The following NKIRAS1 variants were observed in gnomAD, a reference collection of about 807,000 sequenced individuals.
The protein encoded by NKIRAS1 is NF-kappa-B inhibitor-interacting Ras-like protein 1.
A neutral mutation model predicts 19.8 loss-of-function variants in NKIRAS1; 16 were observed. That is an observed-to-expected ratio of 0.81 (90% CI 0.55 to 1.23). The LOEUF (loss-of-function observed/expected upper bound fraction) is 1.23, where lower values mean the gene tolerates loss of function less well. Among genes scored for constraint, NKIRAS1 ranks in the 50% most tolerant of loss-of-function variants. NKIRAS1 has a pLI of 0.00. For missense variants in NKIRAS1, 184 were observed against 220.0 expected (o/e 0.84, Z 1.04); for synonymous variants, 88 against 79.0 (o/e 1.11, Z -0.61).
At chr3:23,943,199 T>G (rs2125272762) in intron 1 of NKIRAS1, among the ~76,000 whole-genome samples, 1 of 152,350 alleles carries the variant, frequency 6.6e-6, no homozygotes, top group Middle Eastern at 3.4e-3. Context: ...TAGCCTTTAG[T>G]AACCACTGAT....
At chr3:23,935,875 T>C (rs1705382980) in intron 1 of NKIRAS1, among the ~76,000 whole-genome samples, 1 of 150,964 alleles carries the variant, frequency 6.6e-6, no homozygotes. Context: ...AGCTCAGGAG[T>C]TCAAGACCAG....
At chr3:23,898,677 C>A (rs189721422) in intron 4 of NKIRAS1, among the ~76,000 whole-genome samples, 1 of 152,234 alleles carries the variant, frequency 6.6e-6, no homozygotes, top group Non-Finnish European at 1.5e-5. Flanking sequence ...AACTCCTGAC[C>A]TCGTGATCTG....
At position 23,916,839 on chromosome 3, in the gene NKIRAS1, G is replaced by A. The variant is rs930425838; in HGVS notation, c.-195C>T. 1.3e-5 allele frequency: 2 copies of A among 152,830 alleles called. No individual in the cohort carries two copies. Among genetic ancestry groups the A allele is most frequent in the Admixed American group, 6.5e-5 (1 of 15,296 alleles). The allele number at this position is 152,830 out of a possible 1,614,324, so 9.5% of individuals were successfully genotyped here. A position where few individuals can be genotyped will look rare whatever the true frequency, so the allele number is the denominator to read the frequency against. On this transcript the variant is annotated 5_prime_UTR_variant, in exon 1 of 5. Transcript: ENST00000425478. ...GCTCCACCGCGGTACGCGGCCACCGGCTTTGGAGCCTGGACCCCAACTTGC... is the reference window on the plus strand; with the variant it reads ...GCTCCACCGCGGTACGCGGCCACCGACTTTGGAGCCTGGACCCCAACTTGC...
At chr3:23,946,289 G>A (rs1705705081) in intron 1 of NKIRAS1, 1 of 985,394 alleles carries the variant, frequency 1.0e-6, no homozygotes, top group Non-Finnish European at 1.2e-6. Context: ...CAAACCAAAC[G>A]AACCGGCGCC....
chr3:23,931,660 A>G (rs149190829), intron 1 of NKIRAS1, among the ~76,000 whole-genome samples: 203 of 152,184 alleles, frequency 1.3e-3, no homozygotes, highest in African/African-American at 4.7e-3. Context: ...TTTGTCCACC[A>G]ATACGCCCAA....
chr3:23,905,666 T>C (rs1175148972), intron 3 of NKIRAS1, among the ~76,000 whole-genome samples: 3 of 151,872 alleles, frequency 2.0e-5, no homozygotes, highest in Non-Finnish European at 2.9e-5. Context: ...TTAGTAAATA[T>C]CTCAATTCGG....
intron 1 of NKIRAS1, among the ~76,000 whole-genome samples, chr3:23,941,785 A>G (rs1243439841): frequency 6.6e-6 from 1 of 152,168 alleles, no homozygotes; most frequent in Admixed American, 6.5e-5. Context: ...GCAAAGTCTC[A>G]TAGGAAGAAG....
chr3:23,918,770 G>A (rs1376898899), upstream of NKIRAS1: 1 of 671,766 alleles, frequency 1.5e-6, no homozygotes, highest in African/African-American at 1.8e-5. Context: ...GTATATACTG[G>A]AAGTACTTGT....
chr3:23,927,627 CTAGT>C lies in NKIRAS1; in HGVS notation c.-139-16181_-139-16178del, dbSNP rs757172553. Among the ~76,000 whole-genome samples the C allele has an allele frequency of 1.1e-4, 16 of 152,256 alleles. No homozygotes were observed. Among genetic ancestry groups the C allele is most frequent in the African/African-American group, 3.4e-4 (14 of 41,550 alleles). On this transcript the variant is annotated intron_variant, in intron 1 of 4. Coordinates refer to the NKIRAS1 transcript ENST00000421515. The surrounding 1 kb of genome is among the most constrained non-coding windows in gnomAD (Gnocchi z 4.0). ...GAGAGAAGTTCATTATTTGGCAGTC[CTAGT>C]TAGTTAGAGACATTAACTGATGGAT...
chr3:23,890,436 A>C lies in NKIRAS1; in HGVS notation c.*2659T>G. 3 of 1,444,480 alleles carry C rather than the reference A, an allele frequency of 2.1e-6. No homozygotes were observed. Among genetic ancestry groups the C allele is most frequent in the East Asian group, 4.7e-5 (2 of 42,844 alleles). 89.5% of individuals were successfully genotyped at this position (1,444,480 alleles called of 1,614,324 possible). On this transcript the variant is annotated 3_prime_UTR_variant, in exon 5 of 5. Coordinates refer to ENST00000425478, the MANE Select transcript of NKIRAS1 (RefSeq NM_020345.4). ...ATACTTTGTCGTACGTATCTACCCA[A>C]GCTGTCACTATTCGCTAAAGTTTAA... is the stretch of plus-strand genomic sequence containing the variant.
intron 1 of NKIRAS1, among the ~76,000 whole-genome samples, chr3:23,943,974 TTGAC>T (rs1705561479): frequency 6.6e-6 from 1 of 152,182 alleles, no homozygotes; most frequent in Non-Finnish European, 1.5e-5. Flanking sequence ...AAATAATACT[TTGAC>T]TGCTGGGGAG....
At chr3:23,943,012 C>T (rs1249160264) in intron 1 of NKIRAS1, among the ~76,000 whole-genome samples, 1 of 152,214 alleles carries the variant, frequency 6.6e-6, no homozygotes, top group Non-Finnish European at 1.5e-5. Context: ...ACATCAGTCT[C>T]CCAAAGTGCT....
intron 1 of NKIRAS1, among the ~76,000 whole-genome samples, chr3:23,912,524 TAA>T (rs994461045): frequency 1.3e-5 from 2 of 152,128 alleles, no homozygotes; most frequent in Non-Finnish European, 2.9e-5. Context: ...TGGTTATCAT[TAA>T]AAAGTCAGGA....
At chr3:23,920,718 CAT>C (rs370300006), upstream of NKIRAS1, 896 of 983,796 alleles carry the variant, frequency 9.1e-4, 1 homozygote, top group African/African-American at 0.015. Context: ...AGGAAGTACT[CAT>C]AGCAAGTTCA....
chr3:23,940,713 AAATT>A (rs1459098284), intron 1 of NKIRAS1, among the ~76,000 whole-genome samples: 1 of 131,134 alleles, frequency 7.6e-6, no homozygotes, highest in East Asian at 2.3e-4. Flanking sequence ...TTTTAGTTAA[AAATT>A]AAGTACAGAC....
At chr3:23,945,093 A>G (rs1705601574) in intron 1 of NKIRAS1, among the ~76,000 whole-genome samples, 1 of 149,344 alleles carries the variant, frequency 6.7e-6, no homozygotes, top group East Asian at 2.0e-4. Flanking sequence ...GGGAAAAACG[A>G]AGGAAGAGGA....
upstream of NKIRAS1, chr3:23,917,647 C>G: frequency 1.9e-6 from 1 of 535,572 alleles, no homozygotes; most frequent in Non-Finnish European, 3.3e-6. Context: ...GAGCACCGCT[C>G]TGTGCTGGGG....
At chr3:23,897,209 A>G (rs6550809) in intron 4 of NKIRAS1, among the ~76,000 whole-genome samples, 30,269 of 144,572 alleles carry the variant, frequency 0.21, 2,980 homozygotes, top group Non-Finnish European at 0.21. Flanking sequence ...TGAAATAGGG[A>G]AAAAAAAAAA....
intron 1 of NKIRAS1, among the ~76,000 whole-genome samples, chr3:23,936,585 C>A (rs532277112): frequency 3.9e-5 from 6 of 152,192 alleles, no homozygotes; most frequent in African/African-American, 1.2e-4. Flanking sequence ...CTCCCTCTGT[C>A]GCCCAGGCTG....
Sources: gnomAD v4.1 joint callset for allele counts (sites outside exome capture counted in the v4.1 genomes callset) on GRCh38, gnomAD v4.1.1 for gene constraint, Gnocchi (gnomAD v3.1) non-coding constraint, MANE v1.5 for transcripts, NCBI Gene and HGNC (gene_info 2026-07-23, HGNC 2026-07-21) for gene names.